Variants in CAB39 observed in about 807,000 individuals in gnomAD.
CAB39 encodes calcium binding protein 39, also known as calcium-binding protein 39.
Under a neutral mutation model 40.0 loss-of-function variants are expected in CAB39, and 8 were observed. That is an observed-to-expected ratio of 0.20 (90% CI 0.12 to 0.36). CAB39 has a LOEUF of 0.36. CAB39 is among the 10% of genes least tolerant of loss of function. CAB39 has a pLI of 1.00. For missense variants in CAB39, 270 were observed against 401.1 expected, an observed-to-expected ratio of 0.67 and a Z score of 2.79; for synonymous variants, 156 against 141.6, an observed-to-expected ratio of 1.10 and a Z score of -0.72.
chr2:230,715,204 G>A (rs1694327164), intron 1 of CAB39, among the ~76,000 whole-genome samples: 1 of 152,246 alleles, frequency 6.6e-6, no homozygotes, highest in South Asian at 2.1e-4. Flanking sequence ...CTCAACAATG[G>A]AAGTCTTCTA....
In CAB39 at chr2:230,818,513, C is replaced by T; in HGVS notation, c.838-3C>T. 1 of 1,612,840 alleles carries T rather than the reference C, an allele frequency of 6.2e-7. No homozygotes were observed. On this transcript the variant is annotated splice_polypyrimidine_tract_variant and splice_region_variant and intron_variant, in intron 8 of 8. Transcript: ENST00000258418. Reference sequence around the variant, plus strand: ...TGCCTCATGTGCGTTTCTCTCCACGCAGGTGTTTGTAGCCAATCCTAACAA... The same window carrying T: ...TGCCTCATGTGCGTTTCTCTCCACGTAGGTGTTTGTAGCCAATCCTAACAA...
rs1188752099 is a variant in CAB39, at chr2:230,748,829, AAAATATATATATATATATATATAT to A, written c.-43-11128_-43-11105del. Among the ~76,000 whole-genome samples the A allele has an allele frequency of 2.6e-4, 12 of 46,428 alleles. No homozygotes were observed. The South Asian group carries it at 7.4e-3, about 29-fold the overall frequency. 30.5% of individuals were successfully genotyped at this position (46,428 alleles called of 152,430 possible). Reference sequence around the variant, plus strand: ...TTCCAAAAAGAAAAAAAAAAAAAAAAAAATATATATATATATATATATATATATATATATATATAACAAAATGGT... The same window carrying A: ...TTCCAAAAAGAAAAAAAAAAAAAAAAATATATATATATATAACAAAATGGT... On this transcript the variant is annotated intron_variant, in intron 1 of 8. Transcript: ENST00000258418.
At chr2:230,797,664 T>C (rs980891417) in intron 4 of CAB39, among the ~76,000 whole-genome samples, 3 of 152,008 alleles carry the variant, frequency 2.0e-5, no homozygotes, top group African/African-American at 4.8e-5. Context: ...GTGGGGTTAG[T>C]AGTCATGGTG....
rs191702613 is a variant in CAB39, at chr2:230,796,404, G to C, written c.399-2325G>C. Among the ~76,000 whole-genome samples, 162 of 152,148 alleles carry C rather than the reference G, an allele frequency of 1.1e-3. 2 individuals carry two copies. Among genetic ancestry groups the C allele is most frequent in the East Asian group, 2.1e-3 (11 of 5,186 alleles). Reference sequence around the variant, plus strand: ...ATGCTGTTCACTCTAGTGCTCACAGGTTATACAGCATAACTGTTTGCCTTG... The same window carrying C: ...ATGCTGTTCACTCTAGTGCTCACAGCTTATACAGCATAACTGTTTGCCTTG... On this transcript the variant is annotated intron_variant, in intron 4 of 8. Transcript: ENST00000258418.
At chr2:230,801,370 G>A (rs1013043590) in intron 5 of CAB39, among the ~76,000 whole-genome samples, 1 of 152,190 alleles carries the variant, frequency 6.6e-6, no homozygotes, top group African/African-American at 2.4e-5. Flanking sequence ...GGAGGGACAC[G>A]TTGCTGCTCC....
intron 4 of CAB39, among the ~76,000 whole-genome samples, chr2:230,798,176 C>T (rs566349177): frequency 1.3e-5 from 2 of 152,160 alleles, no homozygotes; most frequent in African/African-American, 4.8e-5. Flanking sequence ...GATGGGGACA[C>T]TTTGTGAAGT....
At chr2:230,798,276 G>T (rs552427742) in intron 4 of CAB39, among the ~76,000 whole-genome samples, 119 of 152,234 alleles carry the variant, frequency 7.8e-4, no homozygotes, top group African/African-American at 2.8e-3. Flanking sequence ...AAACAACAAG[G>T]TATAAATTCT....
intron 3 of CAB39, among the ~76,000 whole-genome samples, chr2:230,792,648 C>T (rs1450133029): frequency 6.6e-6 from 1 of 152,188 alleles, no homozygotes; most frequent in African/African-American, 2.4e-5. Context: ...TCATGTGATA[C>T]TTAGTACCTT....
chr2:230,803,217 A>C (rs768452742), intron 5 of CAB39, among the ~76,000 whole-genome samples: 1 of 152,226 alleles, frequency 6.6e-6, no homozygotes, highest in Non-Finnish European at 1.5e-5. Context: ...CTTTCGTGCT[A>C]AAAACTCTCA....
intron 2 of CAB39, among the ~76,000 whole-genome samples, chr2:230,782,452 T>C (rs1467920172): frequency 6.6e-6 from 1 of 152,226 alleles, no homozygotes; most frequent in African/African-American, 2.4e-5. Context: ...TTTTGATCTA[T>C]ATAATTTACC....
intron 2 of CAB39, among the ~76,000 whole-genome samples, chr2:230,776,875 G>A (rs1262870379): frequency 6.6e-6 from 1 of 152,146 alleles, no homozygotes; most frequent in African/African-American, 2.4e-5. Flanking sequence ...TTTTAGTTGA[G>A]ACGGGGTTTC....
chr2:230,789,483 G>A (rs1695854725), intron 2 of CAB39, among the ~76,000 whole-genome samples: 2 of 152,170 alleles, frequency 1.3e-5, no homozygotes, highest in Admixed American at 6.5e-5. Context: ...TTTGGCCTAG[G>A]ATTAATTTTG....
intron 5 of CAB39, among the ~76,000 whole-genome samples, chr2:230,799,938 C>T (rs910402047): frequency 2.0e-5 from 3 of 151,170 alleles, no homozygotes; most frequent in Non-Finnish European, 2.9e-5. Context: ...TGTGGTAACC[C>T]GAGAATCACA....
At chr2:230,793,125 A>G (rs1381175803) in intron 3 of CAB39, 88 bp from the exon 4 acceptor site, 3 of 718,816 alleles carry the variant, frequency 4.2e-6, no homozygotes, top group Admixed American at 2.1e-5. Context: ...CAATAAGTAC[A>G]ATGGCCTTAT....
rs191330467 is a variant in CAB39, at chr2:230,811,197, A to C, written c.627+875A>C. ...TTTTAATTTTTCCACTACTCATTTA[A>C]ATTTTTGAAATCCTGAGTATTATTA... is the stretch of plus-strand genomic sequence containing the variant. On this transcript the variant is annotated intron_variant, in intron 6 of 8. Transcript: ENST00000258418. Among the ~76,000 whole-genome samples the C allele has an allele frequency of 4.6e-5, 7 of 152,272 alleles. No homozygotes were observed. In the East Asian group the frequency reaches 1.2e-3, roughly 25 times the overall value.
chr2:230,777,542 C>G (rs1350918523), intron 2 of CAB39, among the ~76,000 whole-genome samples: 1 of 151,848 alleles, frequency 6.6e-6, no homozygotes. Flanking sequence ...GCCTCAGCCT[C>G]CCAAGTAGCT....
At chr2:230,813,713 T>TG (rs1282526604) in intron 6 of CAB39, among the ~76,000 whole-genome samples, 1 of 151,962 alleles carries the variant, frequency 6.6e-6, no homozygotes, top group East Asian at 1.9e-4. Context: ...GTGAGGGGTA[T>TG]GGGAGTTAGG....
chr2:230,776,911 T>C (rs1355139629), intron 2 of CAB39, among the ~76,000 whole-genome samples: 2 of 152,122 alleles, frequency 1.3e-5, no homozygotes, highest in East Asian at 3.9e-4. Context: ...ATGGTCTCGA[T>C]CTCCTGACCT....
intron 2 of CAB39, among the ~76,000 whole-genome samples, chr2:230,765,165 T>G (rs1695363542): frequency 1.3e-5 from 2 of 152,146 alleles, no homozygotes; most frequent in African/African-American, 4.8e-5. Context: ...TTTTTTTGTA[T>G]TTTTAGTAGA....
Sources: allele counts gnomAD v4.1 joint callset (sites outside exome capture counted in the v4.1 genomes callset), GRCh38; gene constraint gnomAD v4.1.1; transcripts MANE v1.5; gene names NCBI Gene and HGNC (gene_info 2026-07-23, HGNC 2026-07-21).